The following CHRDL1 variants were observed in gnomAD, a reference collection of about 807,000 sequenced individuals.
CHRDL1 encodes the protein chordin like 1.
Under a neutral mutation model 40.9 loss-of-function variants are expected in CHRDL1, and 19 were observed. That is an observed-to-expected ratio of 0.46 (90% confidence interval 0.32 to 0.68). CHRDL1 has a LOEUF of 0.68. Among genes scored for constraint, CHRDL1 ranks in the 30% least tolerant of loss-of-function variants. The pLI, the probability that CHRDL1 is intolerant of heterozygous loss-of-function variation, is 0.03. For missense variants in CHRDL1, 329 were observed against 352.1 expected (o/e 0.93, Z 0.53); for synonymous variants, 136 against 123.4 (o/e 1.10, Z -0.68).
chrX:110,765,931 AGACCATAT>A (rs2089652711), intron 2 of CHRDL1, among the ~76,000 whole-genome samples: 1 of 111,950 alleles, frequency 8.9e-6, no homozygotes, highest in Non-Finnish European at 1.9e-5. Context: ...TCTGCAAAAT[AGACCATAT>A]GATAGGTCAT....
At chrX:110,744,238 C>T (rs187221254) in intron 4 of CHRDL1, among the ~76,000 whole-genome samples, 248 of 112,516 alleles carry the variant, frequency 2.2e-3, no homozygotes, top group African/African-American at 7.7e-3. Context: ...CCATTGAATT[C>T]TGGACAAGCC....
intron 2 of CHRDL1, among the ~76,000 whole-genome samples, chrX:110,788,081 A>G (rs1035960590): frequency 8.9e-6 from 1 of 112,477 alleles, no homozygotes; most frequent in South Asian, 3.7e-4. Context: ...TTAACAACAG[A>G]GCATAATGGA....
chrX:110,680,599 G>A (rs1256438967), intron 10 of CHRDL1, among the ~76,000 whole-genome samples: 2 of 111,951 alleles, frequency 1.8e-5, no homozygotes, highest in Admixed American at 1.9e-4. Context: ...GATGGGGCCA[G>A]GTATCTGCAT....
At chrX:110,689,411 T>C (rs372431396) in intron 8 of CHRDL1, among the ~76,000 whole-genome samples, 1 of 69,162 alleles carries the variant, frequency 1.4e-5, no homozygotes, top group Non-Finnish European at 2.2e-5. Context: ...TATATCTATA[T>C]ATCTATATAT....
intron 6 of CHRDL1, among the ~76,000 whole-genome samples, chrX:110,705,304 T>TATATATATATATATATACACACAC (rs1491498596): frequency 9.0e-5 from 7 of 77,589 alleles, no homozygotes; most frequent in African/African-American, 3.4e-4. Flanking sequence ...TATATATATA[T>TATATATATATATATATACACACAC]ACACACACAC....
At chrX:110,774,137 G>A (rs1038880912) in intron 2 of CHRDL1, among the ~76,000 whole-genome samples, 3 of 111,172 alleles carry the variant, frequency 2.7e-5, no homozygotes, top group African/African-American at 6.5e-5. Flanking sequence ...CATTTTTCCC[G>A]GATAATTTTC....
At position 110,678,268 on chromosome X, in the gene CHRDL1, C is replaced by T. The variant is rs141705968; in HGVS notation, c.1246+1068G>A. On this transcript the variant is annotated intron_variant, in intron 11 of 11. Transcript: ENST00000372042. ...TAATGTAATATATGCATCTGATAGC[C>T]GAAAGACATCTTTCCAAAGCACCAT... Among the ~76,000 whole-genome samples, 362 of 111,548 alleles carry T rather than the reference C, an allele frequency of 3.2e-3. 1 individual carries two copies. Among genetic ancestry groups the T allele is most frequent in the African/African-American group, 0.011 (348 of 30,701 alleles).
At chrX:110,795,176 C>T (rs2090160965) in intron 1 of CHRDL1, among the ~76,000 whole-genome samples, 1 of 111,682 alleles carries the variant, frequency 9.0e-6, no homozygotes, top group Non-Finnish European at 1.9e-5. Flanking sequence ...ACTTTAGTGG[C>T]AGGGCTGGGA....
intron 6 of CHRDL1, among the ~76,000 whole-genome samples, chrX:110,702,278 A>C (rs186234823): frequency 1.8e-5 from 2 of 111,688 alleles, no homozygotes; most frequent in African/African-American, 6.5e-5. Context: ...TTCTGAAATT[A>C]CCTTCCATCT....
intron 11 of CHRDL1, among the ~76,000 whole-genome samples, chrX:110,677,500 T>C (rs1345376546): frequency 9.0e-6 from 1 of 111,655 alleles, no homozygotes; most frequent in African/African-American, 3.3e-5. Flanking sequence ...AATCCTGCCA[T>C]GGGCACAGAG....
intron 2 of CHRDL1, among the ~76,000 whole-genome samples, chrX:110,773,059 T>A (rs2089785141): frequency 8.9e-6 from 1 of 112,450 alleles, no homozygotes; most frequent in Non-Finnish European, 1.9e-5. Context: ...AAATACTACA[T>A]CTTATTCATT....
At chrX:110,742,428 A>C (rs2148488510) in intron 4 of CHRDL1, among the ~76,000 whole-genome samples, 1 of 112,630 alleles carries the variant, frequency 8.9e-6, no homozygotes, top group South Asian at 3.7e-4. Flanking sequence ...AGCATAAGTA[A>C]TGGTTGTCTC....
chrX:110,789,176 A>G lies in CHRDL1; in HGVS notation c.94+2912T>C, dbSNP rs558256191. Among the ~76,000 whole-genome samples, 116 of 112,297 alleles carry G rather than the reference A, an allele frequency of 1.0e-3. 3 individuals are homozygous for G. The South Asian group carries it at 0.041, about 40-fold the overall frequency. On this transcript the variant is annotated intron_variant, in intron 2 of 11. Coordinates refer to ENST00000372042, the MANE Select transcript of CHRDL1 (RefSeq NM_001143981.2). The stretch of plus-strand genomic sequence containing the variant: ...CTAAAAATAGACAATTCACTGAAGA[A>G]ATAAAATTGAACTAGTACATAATCG...
intron 4 of CHRDL1, among the ~76,000 whole-genome samples, chrX:110,727,815 C>T (rs1269049867): frequency 9.0e-6 from 1 of 111,318 alleles, no homozygotes; most frequent in Non-Finnish European, 1.9e-5. Flanking sequence ...TATATTTGAC[C>T]CAACAATCCT....
chrX:110,681,165 T>G (rs2069888677), intron 10 of CHRDL1, among the ~76,000 whole-genome samples: 1 of 111,425 alleles, frequency 9.0e-6, no homozygotes, highest in Non-Finnish European at 1.9e-5. Context: ...GGCCCAGATA[T>G]TTGGTATTTA....
At chrX:110,777,376 G>T (rs766004117) in intron 2 of CHRDL1, among the ~76,000 whole-genome samples, 1 of 111,250 alleles carries the variant, frequency 9.0e-6, no homozygotes, top group South Asian at 3.7e-4. Context: ...GAGTGAAACT[G>T]CTGGATCATA....
chrX:110,685,989 A>C (rs748528297), intron 9 of CHRDL1, among the ~76,000 whole-genome samples: 1 of 106,055 alleles, frequency 9.4e-6, no homozygotes, highest in Admixed American at 1.0e-4. Context: ...CCAGGCAATG[A>C]TCCTCTCACT....
intron 4 of CHRDL1, among the ~76,000 whole-genome samples, chrX:110,722,107 C>T (rs753994332): frequency 1.8e-5 from 2 of 110,963 alleles, no homozygotes; most frequent in South Asian, 3.9e-4. Flanking sequence ...AAGCAATTCT[C>T]GTGCCTCAGC....
chrX:110,674,425 G>C lies in CHRDL1; in HGVS notation c.*1806C>G, dbSNP rs2069729710. The C allele has an allele frequency of 9.4e-6, 1 of 106,111 alleles. No individual in the cohort carries two copies. The highest frequency in any genetic ancestry group is 1.9e-5 in the Non-Finnish European group (1 of 52,039). 8.7% of individuals were successfully genotyped at this position (106,111 alleles called of 1,213,427 possible). A position where few individuals can be genotyped will look rare whatever the true frequency, so the allele number is the denominator to read the frequency against. ...GAATCACTGCCACCTCTGGGACGGA[G>C]GGAGCAGCCGCATAACACCTTCCCC... On this transcript the variant is annotated 3_prime_UTR_variant, in exon 12 of 12. Coordinates refer to ENST00000372042, the MANE Select transcript of CHRDL1 (RefSeq NM_001143981.2).
Sources: gnomAD v4.1 joint callset for allele counts (sites outside exome capture counted in the v4.1 genomes callset) on GRCh38, gnomAD v4.1.1 for gene constraint, MANE v1.5 for transcripts, NCBI Gene and HGNC (gene_info 2026-07-23, HGNC 2026-07-21) for gene names.